The following CHD9 variants were observed in gnomAD, a reference collection of about 807,000 sequenced individuals.
The protein encoded by CHD9 is ATP-dependent chromatin remodeler CHD9.
Under a neutral mutation model 316.1 loss-of-function variants are expected in CHD9, and 77 were observed. The ratio of observed to expected loss-of-function variants is 0.24; its 90% CI spans 0.20 to 0.29. The LOEUF is 0.29. CHD9 is among the 10% of genes least tolerant of loss of function. The probability of loss-of-function intolerance (pLI) is 1.00; values close to 1 mark genes in which losing one functional copy is unlikely to be tolerated. For missense variants in CHD9, 2,763 were observed against 3,438.1 expected (o/e 0.80, Z 4.91); for synonymous variants, 1,129 against 1,158.3 (o/e 0.97, Z 0.51).
chr16:53,086,966 C>T (rs1035981538), intron 1 of CHD9, among the ~76,000 whole-genome samples: 3 of 152,122 alleles, frequency 2.0e-5, no homozygotes, highest in Admixed American at 2.0e-4. Flanking sequence ...ACCCCTTTTC[C>T]CTTCCAGGGG....
intron 2 of CHD9, among the ~76,000 whole-genome samples, chr16:53,158,056 A>T (rs2041645375): frequency 6.6e-6 from 1 of 152,226 alleles, no homozygotes; most frequent in Admixed American, 6.5e-5. Context: ...TAAAAAATAA[A>T]TTTAGAATGG....
chr16:53,321,162 G>A (rs1050787716), intron 37 of CHD9: 1 of 1,138,580 alleles, frequency 8.8e-7, no homozygotes, highest in Non-Finnish European at 1.2e-6. Context: ...CCATTTTACA[G>A]ATCAGAAAAT....
At chr16:53,106,447 A>G (rs1308329685) in intron 1 of CHD9, among the ~76,000 whole-genome samples, 1 of 152,200 alleles carries the variant, frequency 6.6e-6, no homozygotes, top group East Asian at 1.9e-4. Flanking sequence ...TGACTAATGG[A>G]TATTTCCCGA....
intron 1 of CHD9, among the ~76,000 whole-genome samples, chr16:53,153,421 C>A (rs908478063): frequency 2.0e-5 from 3 of 152,110 alleles, no homozygotes; most frequent in Admixed American, 2.0e-4. Flanking sequence ...GGAAGGAAGG[C>A]AGAGGAAGGA....
intron 1 of CHD9, among the ~76,000 whole-genome samples, chr16:53,064,687 A>G (rs1315007558): frequency 6.6e-6 from 1 of 152,166 alleles, no homozygotes; most frequent in Non-Finnish European, 1.5e-5. Flanking sequence ...TTAAATCACA[A>G]GGGAGGCTGG....
intron 13 of CHD9, among the ~76,000 whole-genome samples, chr16:53,244,693 C>T (rs1382581325): frequency 2.6e-5 from 4 of 151,820 alleles, no homozygotes; most frequent in Admixed American, 2.6e-4. Flanking sequence ...TTCTTTTTTT[C>T]TAAAATTATT....
chr16:53,202,571 A>G (rs1361437531), intron 2 of CHD9, among the ~76,000 whole-genome samples: 4 of 152,082 alleles, frequency 2.6e-5, no homozygotes, highest in Non-Finnish European at 5.9e-5. Flanking sequence ...TGCTGATTAC[A>G]TCTGGATTTT....
chr16:53,216,767 G>A (rs1213623586), intron 3 of CHD9, among the ~76,000 whole-genome samples: 1 of 152,188 alleles, frequency 6.6e-6, no homozygotes, highest in Non-Finnish European at 1.5e-5. Flanking sequence ...AAACCTGGTA[G>A]AGCACCAGAA....
chr16:53,191,348 TCTAA>T (rs1358818704), intron 2 of CHD9, among the ~76,000 whole-genome samples: 6 of 152,248 alleles, frequency 3.9e-5, no homozygotes, highest in East Asian at 1.9e-4. Flanking sequence ...AGTGAACAGT[TCTAA>T]CTGACAGATA....
At position 53,303,809 on chromosome 16, in the gene CHD9, C is replaced by T. The variant is rs369203439; in HGVS notation, c.5803C>T (p.Arg1935Trp). The change falls in exon 31 of 39, where the codon CGG (arginine) becomes TGG (tryptophan). Residue 1935 changes from arginine (R) to tryptophan (W), a missense_variant. By Grantham distance (101) the Arg-to-Trp change is moderately radical (BLOSUM62 -3). Transcript: ENST00000447540. ...TCGCATTGAACTTCTAAGGAAAGTA[C>T]GGGAACAGGCCCTTCGACATCCACA... is the stretch of plus-strand genomic sequence containing the variant. ...LYRIELLRKV[R>W]EQALRHPQLF... 3.1e-6 allele frequency: 5 copies of T among 1,613,972 alleles called. No homozygotes were observed. The highest frequency in any genetic ancestry group is 1.6e-4 in the Middle Eastern group (1 of 6,062).
chr16:53,170,051 T>TG, intron 2 of CHD9, among the ~76,000 whole-genome samples: 1 of 149,604 alleles, frequency 6.7e-6, no homozygotes, highest in African/African-American at 2.5e-5. Flanking sequence ...TTTTTTTTGT[T>TG]TTTTTTTGTT....
At chr16:53,117,426 A>ATG (rs1555486478) in intron 1 of CHD9, among the ~76,000 whole-genome samples, 3 of 144,698 alleles carry the variant, frequency 2.1e-5, no homozygotes, top group Admixed American at 2.1e-4. Context: ...ATATATATAT[A>ATG]TTTTTGGAAA....
rs147135969 is a variant in CHD9, at chr16:53,093,110, A to G, written c.-165+38033A>G. On this transcript the variant is annotated intron_variant, in intron 1 of 38. Transcript: ENST00000447540. ...GCACTTTAATATTGGATTCTTGAAG[A>G]GTGAGAAAGATATCAAAATTCAGTG... Among the ~76,000 whole-genome samples, 579 of 152,342 alleles carry G rather than the reference A, an allele frequency of 3.8e-3. 9 individuals are homozygous for G. Among genetic ancestry groups the G allele is most frequent in the African/African-American group, 0.012 (492 of 41,584 alleles).
Position 53,081,179 on chromosome 16 carries a change from C to T in CHD9, c.-165+26102C>T, listed in dbSNP as rs149697611. On this transcript the variant is annotated intron_variant, in intron 1 of 38. Transcript: ENST00000447540. Reference sequence around the variant, plus strand: ...TAAAAGCATTTGCTCTCAGCTAGTACAGGGCATGGAGGCAGGATGGAAAAT... The same window carrying T: ...TAAAAGCATTTGCTCTCAGCTAGTATAGGGCATGGAGGCAGGATGGAAAAT... Among the ~76,000 whole-genome samples, 6 of 152,298 alleles carry T rather than the reference C, an allele frequency of 3.9e-5. No homozygotes were observed. In the East Asian group the frequency reaches 9.6e-4, roughly 24 times the overall value.
At chr16:53,106,109 C>G (rs983933623) in intron 1 of CHD9, among the ~76,000 whole-genome samples, 1 of 152,060 alleles carries the variant, frequency 6.6e-6, no homozygotes, top group Non-Finnish European at 1.5e-5. Flanking sequence ...CGTGAGCCAC[C>G]GCACCTGGCT....
Position 53,231,536 on chromosome 16 carries a change from A to T in CHD9, c.2373+31A>T, listed in dbSNP as rs943411407. 1.4e-5 allele frequency: 20 copies of T among 1,444,586 alleles called. No individual in the cohort carries two copies. The African/African-American group carries it at 2.8e-4, about 21-fold the overall frequency. The allele number at this position is 1,444,586 out of a possible 1,614,324, so 89.5% of individuals were successfully genotyped here. A position where few individuals can be genotyped will look rare whatever the true frequency, so the allele number is the denominator to read the frequency against. ...TATATGGTAAAAAGATTTTTTAAGT[A>T]AGAAAAATCTGAAACTTTCCAAGTA... On this transcript the variant is annotated intron_variant, in intron 9 of 38. Transcript: ENST00000447540.
At chr16:53,059,393 C>T (rs1288875374) in intron 1 of CHD9, among the ~76,000 whole-genome samples, 1 of 152,138 alleles carries the variant, frequency 6.6e-6, no homozygotes, top group Non-Finnish European at 1.5e-5. Flanking sequence ...TGCTTGAGGC[C>T]AAGAGTTCAA....
chr16:53,265,339 G>A (rs1016897143), intron 20 of CHD9, among the ~76,000 whole-genome samples: 2 of 152,134 alleles, frequency 1.3e-5, no homozygotes, highest in Non-Finnish European at 2.9e-5. Context: ...AGAGTTCGAG[G>A]TTGCAGTGAG....
intron 1 of CHD9, among the ~76,000 whole-genome samples, chr16:53,149,645 C>T (rs539695186): frequency 6.6e-6 from 1 of 150,946 alleles, no homozygotes; most frequent in Non-Finnish European, 1.5e-5. Flanking sequence ...AACTCCTGGG[C>T]TCAGGAGATC....
Sources: gnomAD v4.1 joint callset for allele counts (sites outside exome capture counted in the v4.1 genomes callset) on GRCh38, gnomAD v4.1.1 for gene constraint, MANE v1.5 for transcripts, NCBI Gene and HGNC (gene_info 2026-07-23, HGNC 2026-07-21) for gene names.